GRK4: variants seen among roughly 807,000 people sequenced by gnomAD.
The protein encoded by GRK4 is G protein-coupled receptor kinase 2-like.
In GRK4, 73 loss-of-function variants were observed where a neutral mutation model predicts 77.9. The ratio of observed to expected loss-of-function variants is 0.94; its 90% CI spans 0.78 to 1.14. The LOEUF is 1.14. Ranked by LOEUF, GRK4 falls within the 50% of genes most tolerant of loss-of-function variation. GRK4 has a pLI of 0.00. For missense variants in GRK4, 729 were observed against 700.2 expected, an observed-to-expected ratio of 1.04 and a Z score of -0.46; for synonymous variants, 257 against 254.4, an observed-to-expected ratio of 1.01 and a Z score of -0.10.
intron 12 of GRK4, among the ~76,000 whole-genome samples, chr4:3,030,073 T>C (rs1738726600): frequency 6.6e-6 from 1 of 152,180 alleles, no homozygotes; most frequent in African/African-American, 2.4e-5. Flanking sequence ...CAATCTTTCA[T>C]GTATTTTGAG....
intron 6 of GRK4, 152 bp from the exon 7 acceptor site, chr4:3,009,496 A>C: frequency 1.9e-6 from 1 of 522,550 alleles, no homozygotes; most frequent in Non-Finnish European, 3.5e-6. Context: ...AGAGGGAGCC[A>C]CAGTCCCTGA....
intron 4 of GRK4, among the ~76,000 whole-genome samples, chr4:3,002,812 T>G (rs1730226134): frequency 6.6e-6 from 1 of 152,066 alleles, no homozygotes; most frequent in Admixed American, 6.5e-5. Context: ...TGAGCCGAGA[T>G]TTTCTGTCTC....
intron 9 of GRK4, among the ~76,000 whole-genome samples, chr4:3,020,826 A>AAAG (rs34938420): frequency 0.37 from 56,814 of 151,664 alleles, 10,903 homozygotes; most frequent in African/African-American, 0.4. Context: ...TTCAGAAAAA[A>AAAG]AAGGATGCTT....
At chr4:3,014,985 C>G (rs929777819) in intron 8 of GRK4, among the ~76,000 whole-genome samples, 2 of 152,174 alleles carry the variant, frequency 1.3e-5, no homozygotes, top group South Asian at 2.1e-4. Flanking sequence ...CCTCAATCTG[C>G]TTTCCGTCTT....
At position 2,969,607 on chromosome 4, in the gene GRK4, C is replaced by T. The variant is rs61791212; in HGVS notation, c.52+5485C>T. On this transcript the variant is annotated intron_variant, in intron 1 of 15. Coordinates refer to ENST00000398052, the MANE Select transcript of GRK4 (RefSeq NM_182982.3). ...GTCAGGCTGGTCTCGAACTCCCAAC[C>T]TCAGGTGATCCGCCCACCTCGGCCT... 4.9e-3 allele frequency among the ~76,000 whole-genome samples: 744 copies of T among 152,002 alleles called. 12 individuals are homozygous for T. The highest frequency in any genetic ancestry group is 0.048 in the Middle Eastern group (14 of 292).
chr4:3,025,453 G>T (rs1013341349), intron 10 of GRK4, among the ~76,000 whole-genome samples: 23 of 137,988 alleles, frequency 1.7e-4, no homozygotes, highest in African/African-American at 6.3e-4. Flanking sequence ...GCAGTGGCGT[G>T]ATCTCGGCTC....
rs376262662 is a variant in GRK4 at position 3,027,900 on chromosome 4, T to C, written c.971-12T>C. Reference sequence around the variant, plus strand: ...CCCCGTGACCTGTGTAATAACATATTTGAACACACAGGACACATCCGGATT... The same window carrying C: ...CCCCGTGACCTGTGTAATAACATATCTGAACACACAGGACACATCCGGATT... On this transcript the variant is annotated splice_polypyrimidine_tract_variant and intron_variant, in intron 10 of 15. Transcript: ENST00000398052. 1.7e-5 allele frequency: 27 copies of C among 1,611,504 alleles called. No individual in the cohort carries two copies. In the African/African-American group the frequency reaches 2.9e-4, roughly 18 times the overall value.
chr4:2,998,524 TAA>T (rs546800307), intron 4 of GRK4, among the ~76,000 whole-genome samples: 92 of 152,078 alleles, frequency 6.0e-4, no homozygotes, highest in Non-Finnish European at 1.3e-3. Flanking sequence ...TGCAAGATAC[TAA>T]GTCACTATAC....
In GRK4 at chr4:2,963,608, T is replaced by G; in HGVS notation, c.-463T>G. 3 of 424,882 alleles carry G rather than the reference T, an allele frequency of 7.1e-6. No individual in the cohort carries two copies. The highest frequency in any genetic ancestry group is 1.2e-5 in the Non-Finnish European group (3 of 241,756). 26.3% of individuals were successfully genotyped at this position (424,882 alleles called of 1,614,324 possible). A position where few individuals can be genotyped will look rare whatever the true frequency, so the allele number is the denominator to read the frequency against. ...CCGCGGCGGCGAGGGGCGCTCCCTC[T>G]TCAGCTAAGCCGTTAGCGCCGAGCC... On this transcript the variant is annotated 5_prime_UTR_variant, in exon 1 of 16. Coordinates refer to ENST00000398052, the MANE Select transcript of GRK4 (RefSeq NM_182982.3).
Position 3,022,890 on chromosome 4 carries a change from A to G in GRK4, c.970+439A>G, listed in dbSNP as rs146687708. On this transcript the variant is annotated intron_variant, in intron 10 of 15. Coordinates refer to ENST00000398052, the MANE Select transcript of GRK4 (RefSeq NM_182982.3). The stretch of plus-strand genomic sequence containing the variant: ...TTTTTGTAGAGATAGGGGTCATGCT[A>G]TGTTGCCCAGGCTGTTCTCAAACTA... 9.2e-5 allele frequency among the ~76,000 whole-genome samples: 14 copies of G among 152,034 alleles called. No individual in the cohort carries two copies. In the East Asian group the frequency reaches 2.7e-3, roughly 29 times the overall value.
At chr4:3,031,095 A>G (rs1399073152) in intron 12 of GRK4, among the ~76,000 whole-genome samples, 1 of 152,028 alleles carries the variant, frequency 6.6e-6, no homozygotes, top group African/African-American at 2.4e-5. Flanking sequence ...TGACTCCAAG[A>G]TGGGCTGGAG....
In GRK4 at chr4:2,992,291, A is replaced by T. The variant is rs758831546; in HGVS notation, c.338A>T (p.Lys113Met). 1.4e-5 allele frequency: 22 copies of T among 1,588,514 alleles called. No individual in the cohort carries two copies. The highest frequency in any genetic ancestry group is 1.1e-5 in the Non-Finnish European group (13 of 1,157,212). ...ATCTTAGATAGATTCTTCAATGATA[A>T]GGTGTGTTTTCTTCTTTAGAATAAA... ...LSILDRFFND[K>M]LAAPLPEIPP... Residue 113 changes from lysine (K) to methionine (M), a missense_variant and splice_region_variant, in exon 4 of 16, where the codon AAG becomes ATG. Coordinates refer to ENST00000398052, the MANE Select transcript of GRK4 (RefSeq NM_182982.3).
At chr4:2,982,519 G>A (rs570993301) in intron 1 of GRK4, among the ~76,000 whole-genome samples, 109 of 152,328 alleles carry the variant, frequency 7.2e-4, no homozygotes, top group Non-Finnish European at 7.1e-4. Context: ...GGGCACAGAA[G>A]CACCACTGAA....
At chr4:2,965,290 G>A (rs1168531436) in intron 1 of GRK4, 8 of 703,010 alleles carry the variant, frequency 1.1e-5, no homozygotes, top group Non-Finnish European at 1.6e-5. Flanking sequence ...GCCCTTCAGC[G>A]GGAGACCCCC....
chr4:3,035,308 GTTA>G, intron 12 of GRK4, 75 bp from the exon 13 acceptor site: 2 of 1,442,584 alleles, frequency 1.4e-6, no homozygotes, highest in Admixed American at 1.7e-5. Flanking sequence ...GAGTCCTTTG[GTTA>G]TTATTATGCA....
At chr4:2,999,155 A>T (rs59539429) in intron 4 of GRK4, among the ~76,000 whole-genome samples, 1,883 of 152,310 alleles carry the variant, frequency 0.012, 38 homozygotes, top group African/African-American at 0.043. Context: ...TACAGTTCTG[A>T]AAGCCGGAAG....
At position 2,980,109 on chromosome 4, in the gene GRK4, A is replaced by G. The variant is rs547074920; in HGVS notation, c.53-4404A>G. 6.4e-4 allele frequency among the ~76,000 whole-genome samples: 98 copies of G among 152,268 alleles called. 2 individuals carry two copies. Among genetic ancestry groups the G allele is most frequent in the Middle Eastern group, 3.4e-3 (1 of 294 alleles). ...ACAAGAGTGCTTTCATCCTGTTAGG[A>G]CCAGCTGCCTGACCCTCCACAGGGT... is the stretch of plus-strand genomic sequence containing the variant. On this transcript the variant is annotated intron_variant, in intron 1 of 15. Coordinates refer to ENST00000398052, the MANE Select transcript of GRK4 (RefSeq NM_182982.3).
Position 2,963,937 on chromosome 4 carries a change from C to G in GRK4, c.-134C>G. The G allele has an allele frequency of 2.4e-6, 2 of 838,514 alleles. No homozygotes were observed. The highest frequency in any genetic ancestry group is 3.9e-6 in the Non-Finnish European group (2 of 511,518). The allele number at this position is 838,514 out of a possible 1,614,324, so 51.9% of individuals were successfully genotyped here. The stretch of plus-strand genomic sequence containing the variant: ...CAGTGGTGGCGGCGGAGCAGCCTCC[C>G]GGGATCGTGTCCGGAGCTCGAGGAG... On this transcript the variant is annotated 5_prime_UTR_variant, in exon 1 of 16. Coordinates refer to ENST00000398052, the MANE Select transcript of GRK4 (RefSeq NM_182982.3).
chr4:2,978,340 A>C (rs1472195910), intron 1 of GRK4, among the ~76,000 whole-genome samples: 3 of 152,214 alleles, frequency 2.0e-5, no homozygotes, highest in Non-Finnish European at 4.4e-5. Context: ...GAGCTAATCG[A>C]TTCTATTGTC....
Sources: allele counts gnomAD v4.1 joint callset (sites outside exome capture counted in the v4.1 genomes callset), GRCh38; gene constraint gnomAD v4.1.1; transcripts MANE v1.5; gene names NCBI Gene and HGNC (gene_info 2026-07-23, HGNC 2026-07-21).